OSMR: variants seen among roughly 807,000 people sequenced by gnomAD.
OSMR encodes the protein oncostatin-M-specific receptor subunit beta.
In OSMR, 81 loss-of-function variants were observed where a neutral mutation model predicts 99.9. The ratio of observed to expected loss-of-function variants is 0.81; its 90% CI spans 0.68 to 0.97. The LOEUF is 0.97. OSMR is among the 50% of genes least tolerant of loss of function. OSMR has a pLI of 0.00. For missense variants in OSMR, 1,099 were observed against 1,153.4 expected, an observed-to-expected ratio of 0.95 and a Z score of 0.68; for synonymous variants, 406 against 410.4, an observed-to-expected ratio of 0.99 and a Z score of 0.13.
At chr5:38,927,781 AGCTG>A (rs1446116378) in intron 15 of OSMR, among the ~76,000 whole-genome samples, 8 of 152,204 alleles carry the variant, frequency 5.3e-5, no homozygotes, top group African/African-American at 1.9e-4. Flanking sequence ...ATATTTCTGC[AGCTG>A]GCTTGAATTT....
At chr5:38,890,267 C>G (rs554783652) in intron 7 of OSMR, among the ~76,000 whole-genome samples, 1 of 152,284 alleles carries the variant, frequency 6.6e-6, no homozygotes, top group African/African-American at 2.4e-5. Context: ...CGCCTCAGTC[C>G]TACTGAACCT....
chr5:38,874,680 G>T (rs868271718), intron 2 of OSMR, among the ~76,000 whole-genome samples: 1 of 152,166 alleles, frequency 6.6e-6, no homozygotes, highest in Admixed American at 6.5e-5. Context: ...ATTCCATTCC[G>T]TGCAAACTTT....
intron 15 of OSMR, 102 bp from the exon 16 acceptor site, chr5:38,931,778 AAAT>A: frequency 6.5e-7 from 1 of 1,543,728 alleles, no homozygotes; most frequent in Non-Finnish European, 8.8e-7. Context: ...ATAATTTGAG[AAAT>A]AATAAACATG....
intron 2 of OSMR, among the ~76,000 whole-genome samples, chr5:38,871,964 G>A (rs1023404429): frequency 5.3e-5 from 8 of 152,140 alleles, no homozygotes; most frequent in African/African-American, 1.9e-4. Flanking sequence ...ATGTGATTAA[G>A]TCCTGGTCTG....
chr5:38,847,897 C>T (rs186408572), intron 1 of OSMR, among the ~76,000 whole-genome samples: 1 of 152,122 alleles, frequency 6.6e-6, no homozygotes, highest in Admixed American at 6.5e-5. Context: ...CGCAGGGACC[C>T]GAGCCGCATT....
downstream of OSMR, chr5:38,939,170 A>G (rs1201038588): frequency 4.3e-6 from 1 of 232,912 alleles, no homozygotes. Context: ...TCTGAATGGA[A>G]TAACATTTTA....
intron 7 of OSMR, among the ~76,000 whole-genome samples, chr5:38,902,510 T>G (rs1163005042): frequency 6.6e-6 from 1 of 152,262 alleles, no homozygotes; most frequent in African/African-American, 2.4e-5. Context: ...AATATTGTCA[T>G]GTGGGCTCCA....
chr5:38,930,864 T>C (rs889394606), intron 15 of OSMR, among the ~76,000 whole-genome samples: 2 of 151,836 alleles, frequency 1.3e-5, no homozygotes, highest in African/African-American at 4.8e-5. Context: ...CAAAGATTAA[T>C]AATAAGGGTG....
intron 1 of OSMR, among the ~76,000 whole-genome samples, chr5:38,867,574 C>T (rs1045793699): frequency 2.6e-5 from 4 of 152,318 alleles, no homozygotes; most frequent in East Asian, 1.9e-4. Context: ...AAATTAAGAA[C>T]GTATTAACCT....
chr5:38,909,929 T>G (rs1209730603), intron 9 of OSMR, among the ~76,000 whole-genome samples: 1 of 152,128 alleles, frequency 6.6e-6, no homozygotes, highest in Non-Finnish European at 1.5e-5. Context: ...AGGCACAGAG[T>G]GGCAAGTTGG....
In OSMR at chr5:38,925,329, C is replaced by G. The variant is rs760079810; in HGVS notation, c.2170C>G (p.Pro724Ala). The G allele has an allele frequency of 6.2e-7, 1 of 1,614,004 alleles. No individual in the cohort carries two copies. Among genetic ancestry groups the G allele is most frequent in the Non-Finnish European group, 8.5e-7 (1 of 1,179,924 alleles). Reference protein sequence around the residue: ...ITPFTSAGEGPSATFTKVTTP... With the variant: ...ITPFTSAGEGASATFTKVTTP... ...TCCATTCACTAGTGCTGGTGAAGGC[C>G]CCAGTGCTACGTTCACGAAGGTCAC... Residue 724 changes from proline to alanine, a missense_variant, in exon 15 of 18, where the codon CCC becomes GCC. Physicochemically the swap from Pro to Ala is conservative, Grantham distance 27. Transcript: ENST00000274276.
chr5:38,915,190 G>A (rs1745823136), intron 9 of OSMR, among the ~76,000 whole-genome samples: 1 of 152,198 alleles, frequency 6.6e-6, no homozygotes, highest in Admixed American at 6.5e-5. Flanking sequence ...AAGAAGTCTG[G>A]AGGTTAAAGT....
intron 11 of OSMR, among the ~76,000 whole-genome samples, chr5:38,920,782 C>T (rs1047956340): frequency 1.3e-5 from 2 of 152,140 alleles, no homozygotes; most frequent in African/African-American, 4.8e-5. Context: ...AATTCTCATG[C>T]CTCAAGGTTA....
At chr5:38,900,598 A>G (rs1455851437) in intron 7 of OSMR, among the ~76,000 whole-genome samples, 1 of 152,342 alleles carries the variant, frequency 6.6e-6, no homozygotes, top group African/African-American at 2.4e-5. Flanking sequence ...ATGGGAATAC[A>G]TGTATTTGGG....
intron 2 of OSMR, among the ~76,000 whole-genome samples, chr5:38,872,456 C>G (rs904137990): frequency 6.6e-6 from 1 of 152,120 alleles, no homozygotes; most frequent in Non-Finnish European, 1.5e-5. Context: ...CACTCACAGT[C>G]TACAGGGAGA....
At chr5:38,909,966 CTG>C (rs760142917) in intron 9 of OSMR, among the ~76,000 whole-genome samples, 8 of 152,210 alleles carry the variant, frequency 5.3e-5, no homozygotes, top group Non-Finnish European at 1.0e-4. Context: ...CAACTGTATG[CTG>C]TCTACAGGAG....
At chr5:38,854,623 A>G (rs1740703106) in intron 1 of OSMR, among the ~76,000 whole-genome samples, 1 of 152,210 alleles carries the variant, frequency 6.6e-6, no homozygotes, top group Non-Finnish European at 1.5e-5. Context: ...ATCTATTTTC[A>G]TTAAAAAAAG....
chr5:38,902,899 C>T (rs1056645997), intron 7 of OSMR, among the ~76,000 whole-genome samples: 11 of 152,170 alleles, frequency 7.2e-5, no homozygotes. Flanking sequence ...CCCCTGTTTC[C>T]ACGCTTCTTT....
intron 1 of OSMR, among the ~76,000 whole-genome samples, chr5:38,863,456 G>A (rs1206847401): frequency 2.6e-5 from 4 of 152,076 alleles, no homozygotes; most frequent in Admixed American, 1.3e-4. Context: ...AGAATCGCAT[G>A]AACCAGGGAG....
Sources: gnomAD v4.1 joint callset for allele counts (sites outside exome capture counted in the v4.1 genomes callset) on GRCh38, gnomAD v4.1.1 for gene constraint, MANE v1.5 for transcripts, NCBI Gene and HGNC (gene_info 2026-07-23, HGNC 2026-07-21) for gene names.